Variants in CFAP299 observed in about 807,000 individuals in gnomAD.
The protein encoded by CFAP299 is cilia and flagella associated protein 299, also known as cilia- and flagella-associated protein 299.
Under a neutral mutation model 27.0 loss-of-function variants are expected in CFAP299, and 21 were observed. That is an observed-to-expected ratio of 0.78 (90% CI 0.55 to 1.12). The LOEUF (loss-of-function observed/expected upper bound fraction) is 1.12, where lower values mean the gene tolerates loss of function less well. Ranked by LOEUF, CFAP299 falls within the 50% of genes most tolerant of loss-of-function variation. CFAP299 has a pLI of 0.00. For synonymous variants in CFAP299, 104 were observed against 98.1 expected (o/e 1.06, Z -0.36); for missense variants, 310 against 276.6 (o/e 1.12, Z -0.86).
In CFAP299 at chr4:80,779,439, T is replaced by G. The variant is rs74458786; in HGVS notation, c.334-90554T>G. 3.5e-3 allele frequency among the ~76,000 whole-genome samples: 534 copies of G among 152,216 alleles called. 3 individuals carry two copies. Among genetic ancestry groups the G allele is most frequent in the Non-Finnish European group, 6.1e-3 (414 of 67,996 alleles). Reference sequence around the variant, plus strand: ...TTGCTACTGTGGCATGGAAATTAAATGCGACCAGGCAAGTCACCTGTCTAG... The same window carrying G: ...TTGCTACTGTGGCATGGAAATTAAAGGCGACCAGGCAAGTCACCTGTCTAG... On this transcript the variant is annotated intron_variant, in intron 3 of 5. Transcript: ENST00000358105.
intron 3 of CFAP299, among the ~76,000 whole-genome samples, chr4:80,821,128 T>G (rs1489753230): frequency 6.6e-6 from 1 of 152,170 alleles, no homozygotes; most frequent in Non-Finnish European, 1.5e-5. Flanking sequence ...AGTGATCCCT[T>G]CAGTAGAAAT....
At chr4:80,780,537 TAAG>T (rs1255421863) in intron 3 of CFAP299, among the ~76,000 whole-genome samples, 2 of 152,214 alleles carry the variant, frequency 1.3e-5, no homozygotes, top group South Asian at 2.1e-4. Flanking sequence ...CCTCAGTATT[TAAG>T]AAGAACAACT....
intron 2 of CFAP299, among the ~76,000 whole-genome samples, chr4:80,385,844 C>A (rs376050589): frequency 4.6e-5 from 7 of 152,388 alleles, no homozygotes; most frequent in African/African-American, 1.4e-4. Flanking sequence ...GTGGGCGGAA[C>A]TGCCCTGTCT....
intron 3 of CFAP299, among the ~76,000 whole-genome samples, chr4:80,584,273 A>G (rs1736320439): frequency 6.6e-6 from 1 of 152,140 alleles, no homozygotes; most frequent in South Asian, 2.1e-4. Context: ...TAGAAATTAA[A>G]TATTTAAACG....
intron 5 of CFAP299, among the ~76,000 whole-genome samples, chr4:80,954,197 G>A (rs1737928627): frequency 1.3e-5 from 2 of 152,154 alleles, no homozygotes; most frequent in African/African-American, 4.8e-5. Flanking sequence ...AAACACATGA[G>A]TCAGGCATGG....
Position 80,660,619 on chromosome 4 carries a change from C to T in CFAP299, c.333+77436C>T, listed in dbSNP as rs551591243. 4.6e-5 allele frequency among the ~76,000 whole-genome samples: 7 copies of T among 152,026 alleles called. No homozygotes were observed. In the East Asian group the frequency reaches 7.7e-4, roughly 17 times the overall value. ...AATAAATTATTAGTTATAAGGGTGG[C>T]GATGGAAAACAAGAGGTCTAGGATA... On this transcript the variant is annotated intron_variant, in intron 3 of 5. Transcript: ENST00000358105.
intron 2 of CFAP299, among the ~76,000 whole-genome samples, chr4:80,374,998 C>T (rs1724332012): frequency 6.6e-6 from 1 of 151,776 alleles, no homozygotes; most frequent in Non-Finnish European, 1.5e-5. Flanking sequence ...ATGAGGGCTT[C>T]CTTGTAAGCT....
chr4:80,791,267 T>C (rs945247761), intron 3 of CFAP299, among the ~76,000 whole-genome samples: 1 of 151,992 alleles, frequency 6.6e-6, no homozygotes, highest in African/African-American at 2.4e-5. Context: ...TATAAATCTG[T>C]GGTCTTTAAG....
intron 2 of CFAP299, among the ~76,000 whole-genome samples, chr4:80,562,695 A>ATAG (rs1735098539): frequency 6.7e-6 from 1 of 149,038 alleles, no homozygotes; most frequent in African/African-American, 2.4e-5. Flanking sequence ...AATAATAATA[A>ATAG]CAACAACAAC....
intron 2 of CFAP299, among the ~76,000 whole-genome samples, chr4:80,557,772 C>T (rs1382838494): frequency 6.6e-6 from 1 of 152,036 alleles, no homozygotes; most frequent in Non-Finnish European, 1.5e-5. Flanking sequence ...TACTTAAATA[C>T]TATACAACAA....
intron 3 of CFAP299, among the ~76,000 whole-genome samples, chr4:80,633,460 T>A (rs1378386660): frequency 2.0e-5 from 3 of 151,946 alleles, no homozygotes; most frequent in African/African-American, 7.3e-5. Flanking sequence ...TCTCAATAAA[T>A]AAATAAATAA....
chr4:80,455,373 A>T (rs978008671), intron 2 of CFAP299, among the ~76,000 whole-genome samples: 2 of 152,246 alleles, frequency 1.3e-5, no homozygotes, highest in Non-Finnish European at 2.9e-5. Flanking sequence ...TTATAATTTT[A>T]GTCAAGGCAG....
At chr4:80,682,308 G>C (rs1276258991) in intron 3 of CFAP299, among the ~76,000 whole-genome samples, 3 of 152,114 alleles carry the variant, frequency 2.0e-5, no homozygotes, top group Non-Finnish European at 4.4e-5. Flanking sequence ...TACCTTTGGG[G>C]AAGGGAGCTG....
intron 3 of CFAP299, among the ~76,000 whole-genome samples, chr4:80,745,722 A>T (rs1294014003): frequency 6.6e-6 from 1 of 151,960 alleles, no homozygotes; most frequent in Non-Finnish European, 1.5e-5. Context: ...GATTTCTGAA[A>T]TTTTTACCTA....
intron 3 of CFAP299, among the ~76,000 whole-genome samples, chr4:80,852,955 A>T (rs147258008): frequency 6.6e-6 from 1 of 152,210 alleles, no homozygotes; most frequent in East Asian, 1.9e-4. Flanking sequence ...CATGTAGAAC[A>T]AAATGAAGTC....
intron 3 of CFAP299, among the ~76,000 whole-genome samples, chr4:80,673,897 C>A (rs112679800): frequency 1.7e-4 from 21 of 126,732 alleles, no homozygotes; most frequent in African/African-American, 6.5e-4. Flanking sequence ...CCATCCCTTT[C>A]TTTTTAGCTT....
chr4:80,772,188 C>T lies in CFAP299; in HGVS notation c.334-97805C>T, dbSNP rs139556781. Among the ~76,000 whole-genome samples, 776 of 152,122 alleles carry T rather than the reference C, an allele frequency of 5.1e-3. 5 individuals carry two copies. Among genetic ancestry groups the T allele is most frequent in the Middle Eastern group, 0.02 (6 of 294 alleles). ...TAAGGTATCAGCCAAGTAAACAGATCGTAAAGATTAGTGGTCAATAAGAGA... is the reference window on the plus strand; with the variant it reads ...TAAGGTATCAGCCAAGTAAACAGATTGTAAAGATTAGTGGTCAATAAGAGA... On this transcript the variant is annotated intron_variant, in intron 3 of 5. Coordinates refer to ENST00000358105, the MANE Select transcript of CFAP299 (RefSeq NM_152770.3).
At chr4:80,850,315 TAGA>T (rs1731444609) in intron 3 of CFAP299, among the ~76,000 whole-genome samples, 1 of 151,978 alleles carries the variant, frequency 6.6e-6, no homozygotes, top group Non-Finnish European at 1.5e-5. Flanking sequence ...TCCATATAAT[TAGA>T]AGTAGAAACA....
Position 80,870,107 on chromosome 4 carries a change from A to G in CFAP299, c.448A>G (p.Arg150Gly). 6.2e-7 allele frequency: 1 copy of G among 1,613,078 alleles called. No homozygotes were observed. The highest frequency in any genetic ancestry group is 1.1e-5 in the South Asian group (1 of 90,888). The change falls in exon 4 of 6, where the codon AGA becomes GGA. Residue 150 changes from arginine (R) to glycine (G), a missense_variant. Arg to Gly is a moderately radical substitution (Grantham distance 125, BLOSUM62 -2). Transcript: ENST00000358105. ...TGAAGTCTACTTTACTGGAAAAAAAAGACTTCTTCCAAGGCCTACAGATAT... is the reference window on the plus strand; with the variant it reads ...TGAAGTCTACTTTACTGGAAAAAAAGGACTTCTTCCAAGGCCTACAGATAT... ...DFEVYFTGKK[R>G]LLPRPTDISF...
Sources: gnomAD v4.1 joint callset for allele counts (sites outside exome capture counted in the v4.1 genomes callset) on GRCh38, gnomAD v4.1.1 for gene constraint, MANE v1.5 for transcripts, NCBI Gene and HGNC (gene_info 2026-07-23, HGNC 2026-07-21) for gene names.